NRG1: variants seen among roughly 807,000 people sequenced by gnomAD.
NRG1 encodes the protein neuregulin 1.
NRG1 carries 18 observed loss-of-function variants against 63.8 expected under a neutral mutation model. The ratio of observed to expected loss-of-function variants is 0.28; its 90% CI spans 0.19 to 0.42. The LOEUF (loss-of-function observed/expected upper bound fraction) is 0.42. Ranked by LOEUF, NRG1 falls within the 10% of genes least tolerant of loss-of-function variation. The pLI, the probability that NRG1 is intolerant of heterozygous loss-of-function variation, is 1.00. For missense variants in NRG1, 762 were observed against 814.7 expected (o/e 0.94, Z 0.79); for synonymous variants, 302 against 301.3 (o/e 1.00, Z -0.02).
intron 1 of NRG1, among the ~76,000 whole-genome samples, chr8:32,078,901 A>G (rs1827012712): frequency 5.3e-5 from 8 of 152,098 alleles, no homozygotes; most frequent in Admixed American, 5.2e-4. Context: ...TTCTGTGTGT[A>G]TGGATTCTGT....
intron 1 of NRG1, among the ~76,000 whole-genome samples, chr8:32,583,062 G>A (rs1002089783): frequency 9.5e-5 from 14 of 147,286 alleles, no homozygotes; most frequent in Admixed American, 1.4e-4. Flanking sequence ...TTTTCTTTTT[G>A]TCTCTCAAGA....
chr8:32,628,256 G>A (rs1849649810), intron 5 of NRG1, among the ~76,000 whole-genome samples: 1 of 152,066 alleles, frequency 6.6e-6, no homozygotes, highest in African/African-American at 2.4e-5. Context: ...ATATATCTGA[G>A]AGAAAATTAT....
intron 1 of NRG1, among the ~76,000 whole-genome samples, chr8:32,321,283 T>C (rs967089186): frequency 6.6e-5 from 10 of 152,110 alleles, no homozygotes; most frequent in Non-Finnish European, 2.9e-5. Flanking sequence ...TAACTTGTCT[T>C]ACTCCCAAAT....
intron 1 of NRG1, among the ~76,000 whole-genome samples, chr8:31,773,183 C>T (rs1484633803): frequency 6.6e-6 from 1 of 152,156 alleles, no homozygotes; most frequent in Non-Finnish European, 1.5e-5. Context: ...AAAGTAAATG[C>T]TTTCACCTTT....
chr8:32,175,289 T>G (rs1207444424), intron 1 of NRG1, among the ~76,000 whole-genome samples: 1 of 152,188 alleles, frequency 6.6e-6, no homozygotes, highest in African/African-American at 2.4e-5. Flanking sequence ...CAACTCTTCA[T>G]GCTAAAAACT....
Position 31,783,258 on chromosome 8 carries a change from A to T in NRG1, c.37+143827A>T, listed in dbSNP as rs1819860559. Among the ~76,000 whole-genome samples, 2 of 152,242 alleles carry T rather than the reference A, an allele frequency of 1.3e-5. 1 individual carries two copies. Among genetic ancestry groups the T allele is most frequent in the South Asian group, 4.1e-4 (2 of 4,836 alleles). On this transcript the variant is annotated intron_variant, in intron 1 of 10. Transcript: ENST00000519301. ...AAACACATCATAACCACATCGTAAA[A>T]GTAGTGACAAAACCAACACATATGT...
chr8:32,482,390 T>A (rs1825403680), intron 1 of NRG1, among the ~76,000 whole-genome samples: 1 of 81,178 alleles, frequency 1.2e-5, no homozygotes, highest in Non-Finnish European at 2.4e-5. Flanking sequence ...TTTTCTTTCT[T>A]TCTACTTTTG....
chr8:32,565,075 A>AG (rs1837191295), intron 1 of NRG1, among the ~76,000 whole-genome samples: 1 of 152,046 alleles, frequency 6.6e-6, no homozygotes, highest in Non-Finnish European at 1.5e-5. Context: ...GTCTCAAAAA[A>AG]AAATTGTTCT....
chr8:32,708,520 T>C (rs1051298328), intron 5 of NRG1, among the ~76,000 whole-genome samples: 2 of 152,220 alleles, frequency 1.3e-5, no homozygotes, highest in African/African-American at 2.4e-5. Flanking sequence ...ATAAGACATT[T>C]GAGTAGGGAC....
At chr8:32,508,384 A>G (rs567713132) in intron 1 of NRG1, among the ~76,000 whole-genome samples, 3 of 151,608 alleles carry the variant, frequency 2.0e-5, no homozygotes, top group Admixed American at 6.6e-5. Flanking sequence ...TCCACCTCCC[A>G]GGTTCAAGCA....
rs149138569 is a variant in NRG1 at position 31,997,916 on chromosome 8, A to G, written c.37+358485A>G. On this transcript the variant is annotated intron_variant, in intron 1 of 10. Coordinates refer to the NRG1 transcript ENST00000519301. ...TAGAATTTAAATAACTTGCTCAGGA[A>G]GGCATAGCCAATAAATGGAATAAGT... is the stretch of plus-strand genomic sequence containing the variant. Among the ~76,000 whole-genome samples the G allele has an allele frequency of 1.5e-3, 224 of 152,168 alleles. 1 individual carries two copies. The highest frequency in any genetic ancestry group is 3.4e-3 in the Middle Eastern group (1 of 294).
At chr8:32,301,278 G>A (rs1237352212) in intron 1 of NRG1, among the ~76,000 whole-genome samples, 5 of 152,144 alleles carry the variant, frequency 3.3e-5, no homozygotes, top group African/African-American at 1.2e-4. Context: ...TACTTCTACA[G>A]TATCCCACAG....
chr8:32,581,609 CTTA>C (rs1427633274), intron 1 of NRG1, among the ~76,000 whole-genome samples: 1 of 152,022 alleles, frequency 6.6e-6, no homozygotes, highest in Admixed American at 6.6e-5. Context: ...GATAAAATAC[CTTA>C]TATTAAATGG....
chr8:32,698,335 G>A (rs1367385055), intron 5 of NRG1, among the ~76,000 whole-genome samples: 1 of 152,148 alleles, frequency 6.6e-6, no homozygotes, highest in Non-Finnish European at 1.5e-5. Flanking sequence ...AACATAGAAG[G>A]AGAGAAACAT....
At chr8:32,012,417 C>T (rs181514952) in intron 1 of NRG1, among the ~76,000 whole-genome samples, 19 of 152,136 alleles carry the variant, frequency 1.2e-4, no homozygotes, top group Admixed American at 1.1e-3. Flanking sequence ...GCCCATGGAA[C>T]TGCTGGCCAT....
chr8:31,864,113 C>A (rs1828726873), intron 1 of NRG1, among the ~76,000 whole-genome samples: 1 of 152,132 alleles, frequency 6.6e-6, no homozygotes, highest in African/African-American at 2.4e-5. Flanking sequence ...CTAGTCTTAA[C>A]CCTCAACTTA....
intron 5 of NRG1, among the ~76,000 whole-genome samples, chr8:32,618,522 C>T (rs1036767801): frequency 2.0e-5 from 3 of 152,130 alleles, no homozygotes; most frequent in African/African-American, 7.2e-5. Context: ...TTCCCTAATT[C>T]TCAGTAGAAT....
At position 31,640,308 on chromosome 8, in the gene NRG1, A is replaced by T; in HGVS notation, c.37+877A>T. On this transcript the variant is annotated intron_variant, in intron 1 of 10. Transcript: ENST00000519301. The surrounding 1 kb of genome is among the most constrained non-coding windows in gnomAD (Gnocchi z 6.3). ...AGGCGGCGGCGGCGGCGGGCGAGGC[A>T]GGGGCGTGGGGCGGCGATCGCGAGC... is the stretch of plus-strand genomic sequence containing the variant. 1.8e-6 allele frequency: 2 copies of T among 1,140,048 alleles called. No individual in the cohort carries two copies. The highest frequency in any genetic ancestry group is 1.7e-5 in the African/African-American group (1 of 60,486). 70.6% of individuals were successfully genotyped at this position (1,140,048 alleles called of 1,614,324 possible).
intron 1 of NRG1, among the ~76,000 whole-genome samples, chr8:32,387,407 C>CA: frequency 6.6e-6 from 1 of 152,232 alleles, no homozygotes; most frequent in South Asian, 2.1e-4. Flanking sequence ...GTCCAGCCCA[C>CA]AAAAAAGATG....
Sources: gnomAD v4.1 joint callset for allele counts (sites outside exome capture counted in the v4.1 genomes callset) on GRCh38, gnomAD v4.1.1 for gene constraint, Gnocchi (gnomAD v3.1) non-coding constraint, MANE v1.5 for transcripts, NCBI Gene and HGNC (gene_info 2026-07-23, HGNC 2026-07-21) for gene names.